The following GBP4 variants were observed in gnomAD, a reference collection of about 807,000 sequenced individuals.
GBP4 encodes guanylate-binding protein 4.
A neutral mutation model predicts 62.2 loss-of-function variants in GBP4; 69 were observed. The observed-to-expected ratio is 1.11, with a 90% CI of 0.91 to 1.36. GBP4 has a LOEUF of 1.36. Among genes scored for constraint, GBP4 ranks in the 40% most tolerant of loss-of-function variants. The pLI is 0.00. For synonymous variants in GBP4, 278 were observed against 274.6 expected (o/e 1.01, Z -0.12); for missense variants, 697 against 759.3 (o/e 0.92, Z 0.96).
rs549321612 is a variant in GBP4, at chr1:89,187,781, T to A, written c.1411-679A>T. 1.4e-4 allele frequency among the ~76,000 whole-genome samples: 21 copies of A among 152,300 alleles called. No homozygotes were observed. In the South Asian group the frequency reaches 3.1e-3, roughly 23 times the overall value. ...AGGGAAATGCAAATCAAAACCACAG[T>A]GACATTTTATCTCACACATTTTAGA... is the stretch of plus-strand genomic sequence containing the variant. On this transcript the variant is annotated intron_variant, in intron 8 of 10. Coordinates refer to ENST00000355754, the MANE Select transcript of GBP4 (RefSeq NM_052941.5).
chr1:89,195,489 C>T, intron 2 of GBP4, 65 bp from the exon 3 acceptor site: 1 of 1,584,644 alleles, frequency 6.3e-7, no homozygotes, highest in Non-Finnish European at 8.6e-7. Flanking sequence ...CAGGATTACA[C>T]CGGTTAAACT....
intron 8 of GBP4, among the ~76,000 whole-genome samples, chr1:89,187,619 A>G (rs1270990872): frequency 1.3e-5 from 2 of 152,192 alleles, no homozygotes; most frequent in Non-Finnish European, 2.9e-5. Context: ...AGGAAATCAT[A>G]TAACTAAATA....
intron 8 of GBP4, among the ~76,000 whole-genome samples, chr1:89,187,628 T>C (rs781166457): frequency 1.3e-5 from 2 of 151,972 alleles, no homozygotes; most frequent in Non-Finnish European, 2.9e-5. Context: ...TATAACTAAA[T>C]AGCAAAAATA....
Position 89,198,569 on chromosome 1 carries a change from C to T in GBP4, c.40+226G>A, listed in dbSNP as rs1570379789. On this transcript the variant is annotated intron_variant, in intron 1 of 10. Coordinates refer to ENST00000355754, the MANE Select transcript of GBP4 (RefSeq NM_052941.5). ...AGCGCATCCTGGAGACACCGGTGCG[C>T]CTCTGGTCGCCGCCTGTGGACCGTC... The T allele has an allele frequency of 5.4e-6, 3 of 558,206 alleles. No individual in the cohort carries two copies. The South Asian group carries it at 6.2e-5, about 12-fold the overall frequency. The allele number at this position is 558,206 out of a possible 1,614,324, so 34.6% of individuals were successfully genotyped here.
rs911380178 is a variant in GBP4 at position 89,182,854 on chromosome 1, T to C, written c.*2400A>G. 1 of 152,210 alleles carries C rather than the reference T, an allele frequency of 6.6e-6. No individual in the cohort carries two copies. Among genetic ancestry groups the C allele is most frequent in the Non-Finnish European group, 1.5e-5 (1 of 68,042 alleles). The allele number at this position is 152,210 out of a possible 1,614,324, so 9.4% of individuals were successfully genotyped here. A position where few individuals can be genotyped will look rare whatever the true frequency, so the allele number is the denominator to read the frequency against. On this transcript the variant is annotated 3_prime_UTR_variant, in exon 11 of 11. Transcript: ENST00000355754. The stretch of plus-strand genomic sequence containing the variant: ...GCTGCCTGTCTTTGGTTTTACTTCC[T>C]TGTTGTTTTTTCTTAAAACAGGTAC...
At chr1:89,195,705 A>G (rs977498847) in intron 2 of GBP4, among the ~76,000 whole-genome samples, 16 of 152,178 alleles carry the variant, frequency 1.1e-4, no homozygotes, top group African/African-American at 3.6e-4. Flanking sequence ...AAATGGCTGC[A>G]TGGTCTTTCT....
rs1324309360 is a variant in GBP4 at position 89,184,009 on chromosome 1, A to ATTCTGG, written c.*1244_*1245insCCAGAA. On this transcript the variant is annotated 3_prime_UTR_variant, in exon 11 of 11. Coordinates refer to ENST00000355754, the MANE Select transcript of GBP4 (RefSeq NM_052941.5). Reference sequence around the variant, plus strand: ...CCAGAATCTATAAGAAGCTTCAAAAAATTTACAAGCGAAAAACAAGCAACC... The same window carrying ATTCTGG: ...CCAGAATCTATAAGAAGCTTCAAAAATTCTGGATTTACAAGCGAAAAACAAGCAACC... The ATTCTGG allele has an allele frequency of 6.6e-6, 1 of 152,256 alleles. No individual in the cohort carries two copies. Among genetic ancestry groups the ATTCTGG allele is most frequent in the Non-Finnish European group, 1.5e-5 (1 of 68,038 alleles). 9.4% of individuals were successfully genotyped at this position (152,256 alleles called of 1,614,324 possible).
intron 3 of GBP4, 21 bp from the exon 4 acceptor site, chr1:89,193,433 A>G (rs758681560): frequency 6.3e-7 from 1 of 1,581,600 alleles, no homozygotes; most frequent in Non-Finnish European, 8.7e-7. Flanking sequence ...TATAAAGCAA[A>G]AGACTTAGGA....
chr1:89,187,131 G>A (rs1044904349), intron 8 of GBP4, 29 bp from the exon 9 acceptor site: 4 of 1,575,430 alleles, frequency 2.5e-6, no homozygotes, highest in Non-Finnish European at 3.5e-6. Flanking sequence ...GCAAAGACCT[G>A]TCAGGCAGCA....
intron 2 of GBP4, 89 bp from the exon 3 acceptor site, chr1:89,195,513 A>T: frequency 1.3e-6 from 2 of 1,495,460 alleles, no homozygotes; most frequent in Non-Finnish European, 1.8e-6. Context: ...AGGAATGTTT[A>T]AGTGGCTGAC....
At position 89,193,090 on chromosome 1, in the gene GBP4, C is replaced by A. The variant is rs1209056933; in HGVS notation, c.484G>T (p.Glu162Ter). Residue 162 changes from glutamate (E) to a stop codon, truncating the protein, a stop_gained, in exon 5 of 11, where the codon GAG (glutamate) becomes TAG (stop). Transcript: ENST00000355754. LOFTEE classifies it high-confidence loss of function. Reference protein sequence around the residue: ...QALEQLHYVTELAELIRAKSC... With the variant: ...QALEQLHYVT Reference sequence around the variant, plus strand: ...TTTGCCCTGATTAGCTCTGCTAGCTCAGTCACATAGCTGGGATCTCAGCTA... The same window carrying A: ...TTTGCCCTGATTAGCTCTGCTAGCTAAGTCACATAGCTGGGATCTCAGCTA... The A allele has an allele frequency of 6.2e-7, 1 of 1,614,036 alleles. No individual in the cohort carries two copies. Among genetic ancestry groups the A allele is most frequent in the East Asian group, 2.2e-5 (1 of 44,880 alleles).
rs1648298587 is a variant in GBP4, at chr1:89,195,224, C to T, written c.363+73G>A. On this transcript the variant is annotated intron_variant, in intron 3 of 10. Transcript: ENST00000355754. ...AGATTTGAGTTTACAGAGATATGTA[C>T]AGAAGTTGAAGGGAGCTGAAAAAAT... 19 of 1,496,018 alleles carry T rather than the reference C, an allele frequency of 1.3e-5. No individual in the cohort carries two copies. In the South Asian group the frequency reaches 2.0e-4, roughly 16 times the overall value. The allele number at this position is 1,496,018 out of a possible 1,614,324, so 92.7% of individuals were successfully genotyped here. A position where few individuals can be genotyped will look rare whatever the true frequency, so the allele number is the denominator to read the frequency against.
chr1:89,186,239 TG>T, intron 10 of GBP4, 93 bp downstream of exon 10: 1 of 932,316 alleles, frequency 1.1e-6, no homozygotes, highest in Non-Finnish European at 1.7e-6. Context: ...TGTTTCCTTC[TG>T]GAATCATGAC....
intron 8 of GBP4, among the ~76,000 whole-genome samples, chr1:89,187,632 A>G (rs969418123): frequency 6.6e-6 from 1 of 152,216 alleles, no homozygotes; most frequent in South Asian, 2.1e-4. Context: ...ACTAAATAGC[A>G]AAAATAAACA....
intron 4 of GBP4, 42 bp downstream of exon 4, chr1:89,193,261 C>T: frequency 2.5e-6 from 4 of 1,592,012 alleles, no homozygotes; most frequent in Non-Finnish European, 1.7e-6. Flanking sequence ...TCCCATTCCC[C>T]TAAACCCCAT....
chr1:89,186,311 G>A (rs1648030659), intron 10 of GBP4, 22 bp downstream of exon 10: 3 of 1,601,804 alleles, frequency 1.9e-6, no homozygotes, highest in South Asian at 2.2e-5. Context: ...CTCAGGCACT[G>A]CCATTCTTCA....
intron 6 of GBP4, 27 bp from the exon 7 acceptor site, chr1:89,190,345 T>G (rs1266063110): frequency 6.5e-7 from 1 of 1,541,760 alleles, no homozygotes; most frequent in African/African-American, 1.4e-5. Context: ...TAGGGAAAAT[T>G]TACAGTTCTT....
chr1:89,195,668 G>C (rs1017140203), intron 2 of GBP4, among the ~76,000 whole-genome samples: 1 of 152,194 alleles, frequency 6.6e-6, no homozygotes, highest in African/African-American at 2.4e-5. Context: ...TGCTGAGCCA[G>C]AGAGGAAGTA....
intron 8 of GBP4, 114 bp downstream of exon 8, chr1:89,188,468 A>G (rs770976221): frequency 3.1e-4 from 256 of 826,900 alleles, no homozygotes; most frequent in Non-Finnish European, 4.3e-4. Flanking sequence ...TCAAAATAGC[A>G]TCATGTTCTG....
Sources: gnomAD v4.1 joint callset for allele counts (sites outside exome capture counted in the v4.1 genomes callset) on GRCh38, gnomAD v4.1.1 for gene constraint, MANE v1.5 for transcripts, NCBI Gene and HGNC (gene_info 2026-07-23, HGNC 2026-07-21) for gene names.